Variants in PSTPIP1 observed in about 807,000 individuals in gnomAD.
PSTPIP1 encodes the protein proline-serine-threonine phosphatase-interacting protein 1.
Under a neutral mutation model 69.6 loss-of-function variants are expected in PSTPIP1, and 66 were observed. The observed-to-expected ratio is 0.95, with a 90% confidence interval of 0.78 to 1.16. The LOEUF is 1.16. Ranked by LOEUF, PSTPIP1 falls within the 50% of genes most tolerant of loss-of-function variation. PSTPIP1 has a pLI of 0.00. For missense variants in PSTPIP1, 603 were observed against 557.4 expected, an observed-to-expected ratio of 1.08 and a Z score of -0.82; for synonymous variants, 266 against 222.7, an observed-to-expected ratio of 1.19 and a Z score of -1.73.
chr15:77,037,009 C>T, intron 14 of PSTPIP1, 36 bp from the exon 15 acceptor site: 1 of 1,603,054 alleles, frequency 6.2e-7, no homozygotes, highest in Non-Finnish European at 8.5e-7. Context: ...CCCTGCAGGC[C>T]CTTCCAACGT....
intron 8 of PSTPIP1, among the ~76,000 whole-genome samples, 179 bp from the exon 9 acceptor site, chr15:77,030,323 C>T (rs1391347539): frequency 6.6e-6 from 1 of 152,266 alleles, no homozygotes; most frequent in Non-Finnish European, 1.5e-5. Flanking sequence ...GGAGCAGCAG[C>T]AGCACCAGCG....
At chr15:77,036,059 C>A in intron 14 of PSTPIP1, 124 bp downstream of exon 14, 1 of 1,316,530 alleles carries the variant, frequency 7.6e-7, no homozygotes, top group Non-Finnish European at 1.0e-6. Flanking sequence ...AGCATCCTCT[C>A]CTCCTCAGGA....
At chr15:77,009,915 C>T (rs1013793918) in intron 1 of PSTPIP1, among the ~76,000 whole-genome samples, 1 of 152,188 alleles carries the variant, frequency 6.6e-6, no homozygotes, top group Non-Finnish European at 1.5e-5. Flanking sequence ...CGGGGATGTG[C>T]AATGACAGTG....
chr15:77,020,047 G>T (rs1484685052), intron 3 of PSTPIP1, among the ~76,000 whole-genome samples: 2 of 152,190 alleles, frequency 1.3e-5, no homozygotes. Flanking sequence ...GAGCCAGGCT[G>T]GAGTGGGTCT....
At chr15:77,019,879 G>GCAT (rs1180694888) in intron 3 of PSTPIP1, among the ~76,000 whole-genome samples, 1 of 152,194 alleles carries the variant, frequency 6.6e-6, no homozygotes, top group Non-Finnish European at 1.5e-5. Flanking sequence ...CAGCTGTGGG[G>GCAT]GCCTGGCAGC....
At chr15:77,016,878 G>A (rs1053821133) in intron 1 of PSTPIP1, among the ~76,000 whole-genome samples, 9 of 152,168 alleles carry the variant, frequency 5.9e-5, no homozygotes, top group Admixed American at 1.3e-4. Flanking sequence ...CATTTGAGGG[G>A]AGACATGGGT....
intron 1 of PSTPIP1, among the ~76,000 whole-genome samples, chr15:76,996,077 T>C (rs1009257092): frequency 5.3e-5 from 8 of 152,154 alleles, no homozygotes; most frequent in Non-Finnish European, 1.2e-4. Context: ...AACTAAAGCA[T>C]TGGATCAGCA....
chr15:77,014,452 C>T (rs535003999), intron 1 of PSTPIP1, among the ~76,000 whole-genome samples: 4 of 152,318 alleles, frequency 2.6e-5, no homozygotes, highest in Admixed American at 6.5e-5. Flanking sequence ...CAAACAGGCC[C>T]GAGTACCCTC....
At chr15:76,999,971 C>T (rs2075662457) in intron 1 of PSTPIP1, among the ~76,000 whole-genome samples, 1 of 152,212 alleles carries the variant, frequency 6.6e-6, no homozygotes, top group Non-Finnish European at 1.5e-5. Flanking sequence ...CCTGGGGAGG[C>T]TGGGTCACAT....
chr15:77,015,853 G>A (rs1030098131), intron 1 of PSTPIP1: 51 of 449,388 alleles, frequency 1.1e-4, no homozygotes, highest in South Asian at 6.1e-4. Flanking sequence ...TAGCTCACTC[G>A]GCCACAGCCC....
intron 1 of PSTPIP1, 138 bp downstream of exon 1, chr15:76,995,747 A>G: frequency 6.7e-7 from 1 of 1,490,462 alleles, no homozygotes; most frequent in Non-Finnish European, 9.2e-7. Flanking sequence ...CTTAATTGTC[A>G]TGGAGGTGGC....
At chr15:77,029,874 A>G (rs1596118593) in intron 8 of PSTPIP1, among the ~76,000 whole-genome samples, 1 of 152,118 alleles carries the variant, frequency 6.6e-6, no homozygotes, top group East Asian at 1.9e-4. Context: ...GCCCCAGGTT[A>G]CAGCTGCATT....
Position 77,023,230 on chromosome 15 carries a change from G to A in PSTPIP1, c.213-2054G>A, listed in dbSNP as rs373751128. ...GCCAGGCATTGCCCCTGTCCTCAAG[G>A]GCTCATGGTTCAGCTGCGTGACAGA... On this transcript the variant is annotated intron_variant, in intron 3 of 14. Transcript: ENST00000558012. Among the ~76,000 whole-genome samples the A allele has an allele frequency of 3.6e-4, 55 of 152,368 alleles. 1 individual carries two copies. In the East Asian group the frequency reaches 7.5e-3, roughly 21 times the overall value.
chr15:77,000,357 A>G (rs886208569), intron 1 of PSTPIP1, among the ~76,000 whole-genome samples: 11 of 151,928 alleles, frequency 7.2e-5, no homozygotes, highest in African/African-American at 2.7e-4. Context: ...ATCTGTCATA[A>G]AGCTGCCTGT....
At chr15:77,005,596 T>A (rs1189143036) in intron 1 of PSTPIP1, among the ~76,000 whole-genome samples, 4 of 152,224 alleles carry the variant, frequency 2.6e-5, no homozygotes, top group Non-Finnish European at 5.9e-5. Flanking sequence ...TTTCCTGAAC[T>A]GCTTCATCAT....
chr15:77,032,645 C>G, intron 11 of PSTPIP1: 1 of 615,310 alleles, frequency 1.6e-6, no homozygotes, highest in Non-Finnish European at 2.9e-6. Flanking sequence ...CCCACGGCCC[C>G]CACTCCCCGC....
In PSTPIP1 at chr15:77,028,604, G is replaced by C. The variant is rs1141045; in HGVS notation, c.468G>C (p.Gln156His). 5 of 1,600,620 alleles carry C rather than the reference G, an allele frequency of 3.1e-6. No homozygotes were observed. The African/African-American group carries it at 5.4e-5, about 17-fold the overall frequency. Residue 156 changes from glutamine (Q) to histidine (H), a missense_variant, in exon 7 of 15, where the codon CAG (glutamine) becomes CAC (histidine). Physicochemically the swap from Gln to His is conservative, Grantham distance 24. Coordinates refer to ENST00000558012, the MANE Select transcript of PSTPIP1 (RefSeq NM_003978.5). ...GCCGGGACGCGGACGACGCGGAGCA[G>C]GCCTTCGAGCGCATTAGCGCCAACG... ...QKCRDADDAEQAFERISANGH... is the reference protein window; with the variant it reads ...QKCRDADDAEHAFERISANGH...
chr15:76,995,891 C>T (rs1448323231), intron 1 of PSTPIP1, among the ~76,000 whole-genome samples: 1 of 152,192 alleles, frequency 6.6e-6, no homozygotes, highest in African/African-American at 2.4e-5. Flanking sequence ...GAGGGTAACA[C>T]ATGGGTGGGG....
rs182230357 is a variant in PSTPIP1, at chr15:77,033,629, G to A, written c.929+677G>A. On this transcript the variant is annotated intron_variant, in intron 12 of 14. Coordinates refer to ENST00000558012, the MANE Select transcript of PSTPIP1 (RefSeq NM_003978.5). ...TTCACATGGTGCCTGTGCCCCCACC[G>A]CCATGCCACCACTCTTCAGCCACCC... 4.0e-3 allele frequency among the ~76,000 whole-genome samples: 612 copies of A among 152,132 alleles called. 2 individuals are homozygous for A. The highest frequency in any genetic ancestry group is 0.014 in the African/African-American group (586 of 41,492).
Sources: allele counts gnomAD v4.1 joint callset (sites outside exome capture counted in the v4.1 genomes callset), GRCh38; gene constraint gnomAD v4.1.1; transcripts MANE v1.5; gene names NCBI Gene and HGNC (gene_info 2026-07-23, HGNC 2026-07-21).